The following WWC1 variants were observed in gnomAD, a reference collection of about 807,000 sequenced individuals.
WWC1 encodes protein KIBRA.
WWC1 carries 55 observed loss-of-function variants against 138.4 expected under a neutral mutation model. The ratio of observed to expected loss-of-function variants is 0.40; its 90% CI spans 0.32 to 0.50. The LOEUF is 0.50. Ranked by LOEUF, WWC1 falls within the 20% of genes least tolerant of loss-of-function variation. The probability of loss-of-function intolerance (pLI) is 0.72; values close to 1 mark genes in which losing one functional copy is unlikely to be tolerated. For missense variants in WWC1, 1,226 were observed against 1,420.4 expected, an observed-to-expected ratio of 0.86 and a Z score of 2.20; for synonymous variants, 524 against 564.9, an observed-to-expected ratio of 0.93 and a Z score of 1.03.
At chr5:168,374,876 A>G (rs538433673) in intron 2 of WWC1, among the ~76,000 whole-genome samples, 6 of 152,350 alleles carry the variant, frequency 3.9e-5, no homozygotes, top group African/African-American at 1.4e-4. Context: ...TTCTCTAGGT[A>G]GAGACAGCAG....
intron 17 of WWC1, among the ~76,000 whole-genome samples, chr5:168,451,367 C>T (rs902480674): frequency 8.5e-5 from 13 of 152,108 alleles, no homozygotes; most frequent in Non-Finnish European, 1.6e-4. Context: ...AGACACTTCA[C>T]CTGGGAAGAT....
At chr5:168,357,718 C>T (rs1053514883) in intron 1 of WWC1, among the ~76,000 whole-genome samples, 8 of 152,248 alleles carry the variant, frequency 5.3e-5, no homozygotes, top group African/African-American at 1.7e-4. Flanking sequence ...TTATTCCAGC[C>T]GCCTTCAGCT....
chr5:168,452,597 C>A (rs1008015465), intron 17 of WWC1, among the ~76,000 whole-genome samples: 5 of 152,176 alleles, frequency 3.3e-5, no homozygotes, highest in Non-Finnish European at 5.9e-5. Flanking sequence ...GTTTAACCCA[C>A]CTAGTAAGTG....
chr5:168,294,837 G>A (rs1290281562), intron 1 of WWC1, among the ~76,000 whole-genome samples: 1 of 152,110 alleles, frequency 6.6e-6, no homozygotes, highest in Non-Finnish European at 1.5e-5. Context: ...TGTTGCCCAG[G>A]CTAGTCTTGA....
chr5:168,351,196 C>G (rs1274208987), intron 1 of WWC1, among the ~76,000 whole-genome samples: 2 of 151,790 alleles, frequency 1.3e-5, no homozygotes, highest in African/African-American at 2.4e-5. Flanking sequence ...GGCAATGAGC[C>G]TAGGGTCCAA....
intron 16 of WWC1, among the ~76,000 whole-genome samples, chr5:168,442,633 T>G (rs933067820): frequency 2.6e-5 from 4 of 151,880 alleles, no homozygotes; most frequent in African/African-American, 9.7e-5. Flanking sequence ...GGTCAGGAGT[T>G]TGAGACCACC....
At chr5:168,465,248 T>C (rs1342136017) in intron 21 of WWC1, among the ~76,000 whole-genome samples, 2 of 152,230 alleles carry the variant, frequency 1.3e-5, no homozygotes, top group Non-Finnish European at 2.9e-5. Context: ...GTACTCATCA[T>C]GCAGTTCTTC....
rs1325356966 is a variant in WWC1 at position 168,408,725 on chromosome 5, T to C, written c.867+72T>C. 15 of 1,573,762 alleles carry C rather than the reference T, an allele frequency of 9.5e-6. No homozygotes were observed. In the Admixed American group the frequency reaches 2.4e-4, roughly 25 times the overall value. On this transcript the variant is annotated intron_variant, in intron 7 of 22. Coordinates refer to ENST00000265293, the MANE Select transcript of WWC1 (RefSeq NM_015238.3). Reference sequence around the variant, plus strand: ...CTGGGAGGCTGCTGTAATGGACAGCTGCCTTCTCATGGCTCACCAGGGAGC... The same window carrying C: ...CTGGGAGGCTGCTGTAATGGACAGCCGCCTTCTCATGGCTCACCAGGGAGC...
At chr5:168,380,342 A>C (rs1777523801) in intron 2 of WWC1, among the ~76,000 whole-genome samples, 1 of 152,124 alleles carries the variant, frequency 6.6e-6, no homozygotes, top group African/African-American at 2.4e-5. Flanking sequence ...ATGGTGGTAC[A>C]TGCCAAGTAG....
At chr5:168,319,746 C>G (rs559711587) in intron 1 of WWC1, among the ~76,000 whole-genome samples, 78 of 152,300 alleles carry the variant, frequency 5.1e-4, no homozygotes, top group African/African-American at 1.9e-3. Flanking sequence ...AAGCAGTCCG[C>G]CCACCTTGGC....
At chr5:168,450,531 C>T (rs547782878) in intron 17 of WWC1, among the ~76,000 whole-genome samples, 4 of 151,974 alleles carry the variant, frequency 2.6e-5, no homozygotes, top group South Asian at 2.1e-4. Flanking sequence ...CTTGGCATGG[C>T]GGCACGTGCC....
chr5:168,399,604 T>G, intron 5 of WWC1, 37 bp downstream of exon 5: 1 of 1,604,486 alleles, frequency 6.2e-7, no homozygotes, highest in East Asian at 2.2e-5. Context: ...TGGGGGCTGC[T>G]CCCCACCCTG....
At chr5:168,334,183 C>A (rs1275416248) in intron 1 of WWC1, among the ~76,000 whole-genome samples, 1 of 151,656 alleles carries the variant, frequency 6.6e-6, no homozygotes, top group Non-Finnish European at 1.5e-5. Context: ...ATGATGATAC[C>A]CCTGCACTCC....
intron 20 of WWC1, 121 bp downstream of exon 20, chr5:168,460,863 A>T (rs774444355): frequency 7.7e-6 from 8 of 1,045,644 alleles, no homozygotes; most frequent in Non-Finnish European, 1.1e-5. Flanking sequence ...GGCTAGAAAA[A>T]TGTTGCTCTC....
intron 2 of WWC1, among the ~76,000 whole-genome samples, chr5:168,375,459 C>A (rs1053339879): frequency 1.3e-5 from 2 of 152,108 alleles, no homozygotes; most frequent in African/African-American, 2.4e-5. Context: ...CTTTGGAGGG[C>A]AGCTTTGGAC....
chr5:168,396,932 A>G (rs1778946723), intron 3 of WWC1, among the ~76,000 whole-genome samples: 1 of 151,356 alleles, frequency 6.6e-6, no homozygotes, highest in African/African-American at 2.5e-5. Flanking sequence ...CATTAATATT[A>G]TAAAGTACAA....
At chr5:168,354,840 A>G (rs1775270717) in intron 1 of WWC1, among the ~76,000 whole-genome samples, 1 of 152,082 alleles carries the variant, frequency 6.6e-6, no homozygotes, top group Admixed American at 6.5e-5. Flanking sequence ...CAGGCCCTGG[A>G]GTAGGGCTAT....
At chr5:168,383,048 C>T (rs1055247153) in intron 2 of WWC1, among the ~76,000 whole-genome samples, 18 of 151,642 alleles carry the variant, frequency 1.2e-4, no homozygotes, top group African/African-American at 3.1e-4. Flanking sequence ...TAGTGGCAGG[C>T]GCCTGTAATC....
chr5:168,394,452 C>T (rs960764966), intron 3 of WWC1, among the ~76,000 whole-genome samples: 2 of 152,054 alleles, frequency 1.3e-5, no homozygotes, highest in South Asian at 2.1e-4. Flanking sequence ...CGGGGCCGGG[C>T]GTGGTGGCTC....
Sources: allele counts gnomAD v4.1 joint callset (sites outside exome capture counted in the v4.1 genomes callset), GRCh38; gene constraint gnomAD v4.1.1; transcripts MANE v1.5; gene names NCBI Gene and HGNC (gene_info 2026-07-23, HGNC 2026-07-21).